The following CSTF3 variants were observed in gnomAD, a reference collection of about 807,000 sequenced individuals.
CSTF3 encodes CF-1 77 kDa subunit.
A neutral mutation model predicts 105.8 loss-of-function variants in CSTF3; 29 were observed. The observed-to-expected ratio is 0.27, with a 90% confidence interval of 0.20 to 0.37. The LOEUF (loss-of-function observed/expected upper bound fraction) is 0.37. Ranked by LOEUF, CSTF3 falls within the 10% of genes least tolerant of loss-of-function variation. The pLI is 1.00. For synonymous variants in CSTF3, 252 were observed against 281.9 expected, an observed-to-expected ratio of 0.89 and a Z score of 1.06; for missense variants, 357 against 879.3, an observed-to-expected ratio of 0.41 and a Z score of 7.51.
At chr11:33,155,343 G>A (rs111409726) in intron 1 of CSTF3, among the ~76,000 whole-genome samples, 352 of 146,372 alleles carry the variant, frequency 2.4e-3, no homozygotes, top group African/African-American at 8.6e-3. Context: ...CAGCCTGGGC[G>A]AAAGTGCAAG....
intron 15 of CSTF3, among the ~76,000 whole-genome samples, chr11:33,093,119 G>T (rs1315829368): frequency 6.6e-6 from 1 of 152,078 alleles, no homozygotes; most frequent in East Asian, 1.9e-4. Flanking sequence ...CCCAGCAGAG[G>T]AGTTGTTTTT....
chr11:33,137,049 G>A (rs985746061), intron 3 of CSTF3, among the ~76,000 whole-genome samples: 2 of 151,680 alleles, frequency 1.3e-5, no homozygotes, highest in Non-Finnish European at 3.0e-5. Context: ...CACAATTTCA[G>A]AATATATCAT....
chr11:33,106,819 T>A (rs1390904871), intron 5 of CSTF3, among the ~76,000 whole-genome samples: 1 of 152,196 alleles, frequency 6.6e-6, no homozygotes, highest in Non-Finnish European at 1.5e-5. Context: ...CATAGCAGAT[T>A]CAAATGTGGA....
chr11:33,130,703 C>G (rs1261996309), intron 3 of CSTF3, among the ~76,000 whole-genome samples: 2 of 152,010 alleles, frequency 1.3e-5, no homozygotes, highest in African/African-American at 4.8e-5. Context: ...AAAATTACTG[C>G]TCTCTCTATA....
intron 3 of CSTF3, among the ~76,000 whole-genome samples, chr11:33,129,572 G>A (rs1855577850): frequency 6.6e-6 from 1 of 152,056 alleles, no homozygotes; most frequent in Non-Finnish European, 1.5e-5. Flanking sequence ...TATAATCCAG[G>A]CAAATACGTC....
At chr11:33,098,826 C>A in intron 12 of CSTF3, 62 bp from the exon 13 acceptor site, 1 of 1,303,452 alleles carries the variant, frequency 7.7e-7, no homozygotes, top group South Asian at 1.6e-5. Flanking sequence ...GATTTGAGCT[C>A]CAAGGAATCC....
chr11:33,159,261 C>G (rs1354459246), intron 1 of CSTF3, among the ~76,000 whole-genome samples: 1 of 151,924 alleles, frequency 6.6e-6, no homozygotes, highest in African/African-American at 2.4e-5. Context: ...AGTTCCAGAC[C>G]AGGCTGGGCA....
At chr11:33,147,891 GTCGTT>G (rs1855804386) in intron 1 of CSTF3, among the ~76,000 whole-genome samples, 1 of 152,090 alleles carries the variant, frequency 6.6e-6, no homozygotes, top group Non-Finnish European at 1.5e-5. Context: ...AAAACATATG[GTCGTT>G]TTTCTCTTGG....
Position 33,096,920 on chromosome 11 carries a change from A to G in CSTF3, c.1187T>C (p.Met396Thr). Residue 396 changes from methionine (M) to threonine (T), a missense_variant, in exon 14 of 21, where the codon ATG (methionine) becomes ACG (threonine). By Grantham distance (81) the Met-to-Thr change is moderately conservative. Coordinates refer to ENST00000323959, the MANE Select transcript of CSTF3 (RefSeq NM_001326.3). ...RRAEGIKSGR[M>T]IFKKAREDTR... ...ATCTTCTCTTGCTTTTTTAAATATCATTCTTCCAGATTTGATGCCTTCTGC... is the reference window on the plus strand; with the variant it reads ...ATCTTCTCTTGCTTTTTTAAATATCGTTCTTCCAGATTTGATGCCTTCTGC... The G allele has an allele frequency of 6.2e-7, 1 of 1,612,884 alleles. No homozygotes were observed. The highest frequency in any genetic ancestry group is 8.5e-7 in the Non-Finnish European group (1 of 1,179,044).
At chr11:33,107,180 G>T (rs1855335628) in intron 5 of CSTF3, among the ~76,000 whole-genome samples, 1 of 151,990 alleles carries the variant, frequency 6.6e-6, no homozygotes, top group African/African-American at 2.4e-5. Flanking sequence ...AGCCAGGTGT[G>T]GTGGCTCTTG....
intron 1 of CSTF3, among the ~76,000 whole-genome samples, chr11:33,147,790 C>A (rs1271733139): frequency 6.6e-6 from 1 of 152,050 alleles, no homozygotes; most frequent in Non-Finnish European, 1.5e-5. Flanking sequence ...ATGGGATAGA[C>A]AAAGAATCCT....
Position 33,099,693 on chromosome 11 carries a change from A to G in CSTF3, c.851T>C (p.Leu284Pro). 6.2e-7 allele frequency: 1 copy of G among 1,609,502 alleles called. No individual in the cohort carries two copies. The highest frequency in any genetic ancestry group is 8.5e-7 in the Non-Finnish European group (1 of 1,178,160). Residue 284 changes from leucine to proline, a missense_variant, in exon 11 of 21, where the codon CTG (leucine) becomes CCG (proline). By Grantham distance (98) the Leu-to-Pro change is moderately conservative (BLOSUM62 -3). Transcript: ENST00000323959. The surrounding 1 kb of genome is among the most constrained non-coding windows in gnomAD (Gnocchi z 4.1). ...ATCAGGGTGATGGCCCAGCACAAGC[A>G]GGCACTGTTCATAAGCAAACATAAC... is the stretch of plus-strand genomic sequence containing the variant. ...KRVMFAYEQC[L>P]LVLGHHPDIW...
In CSTF3 at chr11:33,085,868, A is replaced by ACTATT. The variant is rs1314436177; in HGVS notation, c.1890+26_1890+27insAATAG. The stretch of plus-strand genomic sequence containing the variant: ...AATTACTATGACCCACAGAGCCAGT[A>ACTATT]TCTACCATGAAAATAAGTGAACAAA... On this transcript the variant is annotated intron_variant, in intron 19 of 20. Transcript: ENST00000323959. The ACTATT allele has an allele frequency of 1.9e-6, 3 of 1,579,816 alleles. No homozygotes were observed. In the South Asian group the frequency reaches 3.5e-5, roughly 18 times the overall value.
intron 1 of CSTF3, among the ~76,000 whole-genome samples, chr11:33,146,845 T>C (rs1214301000): frequency 6.7e-6 from 1 of 149,332 alleles, no homozygotes; most frequent in African/African-American, 2.4e-5. Context: ...TTTCAATGGG[T>C]TTACTTCTTG....
chr11:33,092,467 T>G lies in CSTF3; in HGVS notation c.1376-127A>C, dbSNP rs932467609. 74 of 549,044 alleles carry G rather than the reference T, an allele frequency of 1.3e-4. No homozygotes were observed. The East Asian group carries it at 2.5e-3, about 19-fold the overall frequency. 34.0% of individuals were successfully genotyped at this position (549,044 alleles called of 1,614,324 possible). A position where few individuals can be genotyped will look rare whatever the true frequency, so the allele number is the denominator to read the frequency against. Reference sequence around the variant, plus strand: ...AGAAAGGTTTAACTATTATCACACTTGATTTTTATAGATGAGGAAACTTGA... The same window carrying G: ...AGAAAGGTTTAACTATTATCACACTGGATTTTTATAGATGAGGAAACTTGA... On this transcript the variant is annotated intron_variant, in intron 15 of 20. Coordinates refer to ENST00000323959, the MANE Select transcript of CSTF3 (RefSeq NM_001326.3).
At chr11:33,131,158 A>T (rs896489979) in intron 3 of CSTF3, among the ~76,000 whole-genome samples, 2 of 152,240 alleles carry the variant, frequency 1.3e-5, no homozygotes, top group African/African-American at 4.8e-5. Flanking sequence ...GCTAAAAATT[A>T]AAAAACTATG....
chr11:33,089,807 G>A (rs1318929023), intron 17 of CSTF3, among the ~76,000 whole-genome samples: 2 of 152,210 alleles, frequency 1.3e-5, no homozygotes, highest in African/African-American at 4.8e-5. Flanking sequence ...GATCAACCAA[G>A]GACTTCTCTG....
chr11:33,104,530 G>A (rs1855309733), intron 8 of CSTF3, among the ~76,000 whole-genome samples: 1 of 152,106 alleles, frequency 6.6e-6, no homozygotes, highest in African/African-American at 2.4e-5. Context: ...CCAACATTTT[G>A]GGAGGCCGAG....
chr11:33,154,537 C>G (rs1849834718), intron 1 of CSTF3, among the ~76,000 whole-genome samples: 1 of 132,504 alleles, frequency 7.5e-6, no homozygotes, highest in Non-Finnish European at 1.6e-5. Flanking sequence ...CACTCTGTCA[C>G]CTAGGCTGGA....
Sources: allele counts gnomAD v4.1 joint callset (sites outside exome capture counted in the v4.1 genomes callset), GRCh38; gene constraint gnomAD v4.1.1; non-coding constraint Gnocchi (gnomAD v3.1); transcripts MANE v1.5; gene names NCBI Gene and HGNC (gene_info 2026-07-23, HGNC 2026-07-21).